ANO3: variants seen among roughly 807,000 people sequenced by gnomAD.
ANO3 encodes anoctamin-3.
Under a neutral mutation model 144.8 loss-of-function variants are expected in ANO3, and 99 were observed. That is an observed-to-expected ratio of 0.68 (90% CI 0.58 to 0.81). ANO3 has a LOEUF of 0.81. Ranked by LOEUF, ANO3 falls within the 30% of genes least tolerant of loss-of-function variation. The pLI, the probability that ANO3 is intolerant of heterozygous loss-of-function variation, is 0.00. For missense variants in ANO3, 905 were observed against 1,202.2 expected (o/e 0.75, Z 3.66); for synonymous variants, 414 against 392.6 (o/e 1.05, Z -0.64).
chr11:26,201,457 T>C (rs1463482071), intron 1 of ANO3, among the ~76,000 whole-genome samples: 1 of 152,076 alleles, frequency 6.6e-6, no homozygotes, highest in Non-Finnish European at 1.5e-5. Context: ...ATGCCAGGGA[T>C]ATTTTTTTCC....
intron 1 of ANO3, among the ~76,000 whole-genome samples, chr11:26,350,945 A>G (rs999835365): frequency 5.3e-5 from 8 of 152,180 alleles, no homozygotes; most frequent in African/African-American, 1.9e-4. Context: ...CAGCAATTAT[A>G]TATGAGTACT....
intron 1 of ANO3, among the ~76,000 whole-genome samples, chr11:26,231,004 G>C (rs1235296956): frequency 6.6e-6 from 1 of 150,520 alleles, no homozygotes; most frequent in Non-Finnish European, 1.5e-5. Context: ...TCAGCCTCCT[G>C]AGTAGCTGGG....
intron 1 of ANO3, among the ~76,000 whole-genome samples, chr11:26,390,033 A>G (rs1466810711): frequency 6.6e-6 from 1 of 152,118 alleles, no homozygotes; most frequent in Non-Finnish European, 1.5e-5. Flanking sequence ...GGGAAAAAAG[A>G]AGACAATAAA....
chr11:26,418,711 C>T (rs1414528162), intron 1 of ANO3, among the ~76,000 whole-genome samples: 3 of 151,578 alleles, frequency 2.0e-5, no homozygotes, highest in Non-Finnish European at 4.4e-5. Flanking sequence ...CAAGCGCGCG[C>T]GCGCACACAC....
rs139557134 is a variant in ANO3, at chr11:26,342,384, G to C, written c.46+10063G>C. Among the ~76,000 whole-genome samples the C allele has an allele frequency of 6.5e-3, 997 of 152,274 alleles. 9 individuals carry two copies. The highest frequency in any genetic ancestry group is 0.022 in the African/African-American group (928 of 41,540). On this transcript the variant is annotated intron_variant, in intron 1 of 26. Transcript: ENST00000256737. ...AACCCATGAGGGTAGATTCATATAG[G>C]ATGAGTGCCTTCTGAAGGGGCTAAA...
At chr11:26,333,632 C>G (rs1855119418) in intron 1 of ANO3, among the ~76,000 whole-genome samples, 1 of 152,084 alleles carries the variant, frequency 6.6e-6, no homozygotes, top group Non-Finnish European at 1.5e-5. Context: ...ACACAAGAAA[C>G]AATTTCGAAG....
intron 1 of ANO3, among the ~76,000 whole-genome samples, chr11:26,261,132 G>C (rs1853179168): frequency 6.6e-6 from 1 of 152,150 alleles, no homozygotes; most frequent in Non-Finnish European, 1.5e-5. Flanking sequence ...TAAGGGGCCT[G>C]AAATAGCTTT....
At chr11:26,460,318 T>C (rs1160084311) in intron 3 of ANO3, among the ~76,000 whole-genome samples, 2 of 151,064 alleles carry the variant, frequency 1.3e-5, no homozygotes, top group African/African-American at 4.9e-5. Context: ...GTTTGTTACA[T>C]GGGTAAATTG....
At chr11:26,389,510 C>T (rs1488071565) in intron 1 of ANO3, among the ~76,000 whole-genome samples, 3 of 151,700 alleles carry the variant, frequency 2.0e-5, no homozygotes, top group Admixed American at 1.3e-4. Flanking sequence ...ATATATATGC[C>T]GTTTTAGTCA....
At chr11:26,228,345 G>A (rs1325390546) in intron 1 of ANO3, among the ~76,000 whole-genome samples, 1 of 152,184 alleles carries the variant, frequency 6.6e-6, no homozygotes, top group Non-Finnish European at 1.5e-5. Flanking sequence ...AATTGGACTG[G>A]CACATGGTGC....
At chr11:26,508,461 A>AAGTATTTTCAAAGGGCAT in intron 5 of ANO3, 199 bp downstream of exon 5, 1 of 438,300 alleles carries the variant, frequency 2.3e-6, no homozygotes, top group Admixed American at 4.4e-5. Context: ...TGTACAATTT[A>AAGTATTTTCAAAGGGCAT]AGTATTTTCA....
chr11:26,354,959 TA>T (rs1389449619), intron 1 of ANO3, among the ~76,000 whole-genome samples: 2 of 151,916 alleles, frequency 1.3e-5, no homozygotes, highest in Non-Finnish European at 2.9e-5. Context: ...AGCAATTTAC[TA>T]AAGGCCTAGC....
chr11:26,210,462 T>C (rs1200917914), intron 1 of ANO3, among the ~76,000 whole-genome samples: 1 of 152,196 alleles, frequency 6.6e-6, no homozygotes, highest in African/African-American at 2.4e-5. Context: ...GTCTTGGCTA[T>C]ATGGGCTCTT....
At chr11:26,206,801 T>C (rs1437725943) in intron 1 of ANO3, among the ~76,000 whole-genome samples, 1 of 152,192 alleles carries the variant, frequency 6.6e-6, no homozygotes, top group East Asian at 1.9e-4. Flanking sequence ...AGCATTTTAG[T>C]GTCACACTAC....
In ANO3 at chr11:26,508,266, G is replaced by C. The variant is rs375570481; in HGVS notation, c.591+4G>C. Reference sequence around the variant, plus strand: ...AGGCTTGATGTTGGAGAAGGAGGTAGGTGCTTTACTATTATTAGTTATGTG... The same window carrying C: ...AGGCTTGATGTTGGAGAAGGAGGTACGTGCTTTACTATTATTAGTTATGTG... On this transcript the variant is annotated splice_donor_region_variant and intron_variant, in intron 5 of 26. Coordinates refer to ENST00000256737, the MANE Select transcript of ANO3 (RefSeq NM_031418.4). The C allele has an allele frequency of 7.0e-6, 11 of 1,580,328 alleles. No individual in the cohort carries two copies. The highest frequency in any genetic ancestry group is 6.9e-5 in the African/African-American group (5 of 72,590).
chr11:26,474,077 T>C (rs1411601320), intron 4 of ANO3: 3 of 985,082 alleles, frequency 3.0e-6, no homozygotes, highest in African/African-American at 1.7e-5. Context: ...TTTGAGACTG[T>C]TGTCAGCAAT....
Position 26,268,476 on chromosome 11 carries a change from A to G in ANO3, c.155-41169A>G, listed in dbSNP as rs532859441. 1.2e-3 allele frequency among the ~76,000 whole-genome samples: 185 copies of G among 152,290 alleles called. 4 individuals are homozygous for G. The South Asian group carries it at 0.037, about 30-fold the overall frequency. Reference sequence around the variant, plus strand: ...CCCTCTGGCATAAAAAGTTTTTGTTAGGCAAAGGCAGAAATGTAGGATATG... The same window carrying G: ...CCCTCTGGCATAAAAAGTTTTTGTTGGGCAAAGGCAGAAATGTAGGATATG... On this transcript the variant is annotated intron_variant, in intron 1 of 27. Transcript: ENST00000672621.
At chr11:26,598,509 T>G (rs113888280) in intron 15 of ANO3, 62 bp downstream of exon 15, 3 of 1,156,010 alleles carry the variant, frequency 2.6e-6, no homozygotes. Context: ...GGAAAATTAC[T>G]GCCCTAGCAT....
chr11:26,232,370 A>T (rs1017114698), intron 1 of ANO3, among the ~76,000 whole-genome samples: 1 of 152,126 alleles, frequency 6.6e-6, no homozygotes, highest in Non-Finnish European at 1.5e-5. Context: ...AGACAGAAAA[A>T]CAGAGTCAAG....
Sources: allele counts gnomAD v4.1 joint callset (sites outside exome capture counted in the v4.1 genomes callset), GRCh38; gene constraint gnomAD v4.1.1; transcripts MANE v1.5; gene names NCBI Gene and HGNC (gene_info 2026-07-23, HGNC 2026-07-21).